Variants in JMY observed in about 807,000 individuals in gnomAD.
JMY encodes the protein junction-mediating and -regulatory protein.
JMY carries 46 observed loss-of-function variants against 103.3 expected under a neutral mutation model. The observed-to-expected ratio is 0.45, with a 90% CI of 0.35 to 0.57. JMY has a LOEUF of 0.57. Among genes scored for constraint, JMY ranks in the 20% least tolerant of loss-of-function variants. JMY has a pLI of 0.00. For synonymous variants in JMY, 526 were observed against 489.3 expected (o/e 1.07, Z -0.99); for missense variants, 1,238 against 1,255.2 (o/e 0.99, Z 0.21).
chr5:79,268,088 T>C (rs1297753651), intron 1 of JMY, among the ~76,000 whole-genome samples: 1 of 152,210 alleles, frequency 6.6e-6, no homozygotes, highest in Non-Finnish European at 1.5e-5. Flanking sequence ...ACAAAAAATT[T>C]AAAAAATTAG....
At chr5:79,242,535 T>C (rs1334721716) in intron 1 of JMY, among the ~76,000 whole-genome samples, 1 of 152,200 alleles carries the variant, frequency 6.6e-6, no homozygotes, top group Non-Finnish European at 1.5e-5. Flanking sequence ...CCTATTTTAC[T>C]GAGGCAGAAA....
At chr5:79,257,765 T>C (rs916758404) in intron 1 of JMY, among the ~76,000 whole-genome samples, 10 of 151,466 alleles carry the variant, frequency 6.6e-5, no homozygotes, top group African/African-American at 2.4e-4. Flanking sequence ...GAAAACAGAT[T>C]ATCTTTTTTT....
intron 2 of JMY, among the ~76,000 whole-genome samples, chr5:79,289,649 C>G (rs911697254): frequency 6.6e-6 from 1 of 152,048 alleles, no homozygotes; most frequent in Non-Finnish European, 1.5e-5. Flanking sequence ...TGGCCTTCCT[C>G]TGTTATTGTT....
intron 1 of JMY, among the ~76,000 whole-genome samples, chr5:79,249,866 G>A (rs769306354): frequency 4.6e-5 from 7 of 152,104 alleles, no homozygotes; most frequent in Non-Finnish European, 7.3e-5. Context: ...CAGAGTTTGA[G>A]TTAGGCTACA....
chr5:79,294,424 A>G (rs748679727), intron 4 of JMY, among the ~76,000 whole-genome samples: 1 of 152,156 alleles, frequency 6.6e-6, no homozygotes, highest in Non-Finnish European at 1.5e-5. Context: ...ATAAAATTAA[A>G]TTAAAATGAA....
Position 79,314,750 on chromosome 5 carries a change from A to G in JMY, c.2558A>G (p.Lys853Arg). The G allele has an allele frequency of 6.2e-7, 1 of 1,613,502 alleles. No homozygotes were observed. The highest frequency in any genetic ancestry group is 8.5e-7 in the Non-Finnish European group (1 of 1,179,874). ...RKEGNEKRIP[K>R]SASAPSAHLF... ...GAGGGGAATGAGAAGAGGATCCCAA[A>G]GTCAGCCAGTGCCCCCTCAGCACAC... is the stretch of plus-strand genomic sequence containing the variant. The change falls in exon 9 of 11, where the codon AAG becomes AGG. Residue 853 changes from lysine (K) to arginine (R), a missense_variant. Coordinates refer to ENST00000396137, the MANE Select transcript of JMY (RefSeq NM_152405.5).
chr5:79,265,046 C>T (rs563996129), intron 1 of JMY, among the ~76,000 whole-genome samples: 21 of 152,284 alleles, frequency 1.4e-4, no homozygotes, highest in Middle Eastern at 6.8e-3. Context: ...CTGCCTCAGC[C>T]TCCTGAGTAG....
intron 1 of JMY, among the ~76,000 whole-genome samples, chr5:79,246,878 T>C (rs1347301055): frequency 6.7e-6 from 1 of 148,888 alleles, no homozygotes. Flanking sequence ...CAAGACACCA[T>C]CTCAAAAAAA....
rs1747527567 is a variant in JMY, at chr5:79,323,435, C to G, written c.*1833C>G. The stretch of plus-strand genomic sequence containing the variant: ...AACAGCATGGGGGTGGTGATAGTGT[C>G]CTATTTGCCCTTGGTAAAATATTAA... On this transcript the variant is annotated 3_prime_UTR_variant, in exon 11 of 11. Transcript: ENST00000396137. 6.6e-6 allele frequency: 1 copy of G among 152,150 alleles called. No homozygotes were observed. The highest frequency in any genetic ancestry group is 2.4e-5 in the African/African-American group (1 of 41,438). The allele number at this position is 152,150 out of a possible 1,614,324, so 9.4% of individuals were successfully genotyped here.
At position 79,327,114 on chromosome 5, in the gene JMY, C is replaced by T. The variant is rs1248552103; in HGVS notation, c.*5512C>T. 1 of 152,138 alleles carries T rather than the reference C, an allele frequency of 6.6e-6. No homozygotes were observed. The highest frequency in any genetic ancestry group is 1.5e-5 in the Non-Finnish European group (1 of 68,026). The allele number at this position is 152,138 out of a possible 1,614,324, so 9.4% of individuals were successfully genotyped here. On this transcript the variant is annotated 3_prime_UTR_variant, in exon 11 of 11. Transcript: ENST00000396137. ...ACTTGTACACCAAGTATTGCAATCACCTTTCTCTTGTTGTACATGCAATGT... is the reference window on the plus strand; with the variant it reads ...ACTTGTACACCAAGTATTGCAATCATCTTTCTCTTGTTGTACATGCAATGT...
intron 4 of JMY, among the ~76,000 whole-genome samples, chr5:79,297,777 G>C (rs1008669969): frequency 1.4e-4 from 21 of 152,152 alleles, no homozygotes; most frequent in African/African-American, 4.6e-4. Context: ...CTCTGATGAG[G>C]TTTTGGTTAT....
chr5:79,278,710 G>T (rs951591066), intron 2 of JMY, among the ~76,000 whole-genome samples: 2 of 151,282 alleles, frequency 1.3e-5, no homozygotes, highest in Non-Finnish European at 2.9e-5. Flanking sequence ...GGTCATGGCT[G>T]CAATGAGCCA....
At position 79,306,438 on chromosome 5, in the gene JMY, A is replaced by G; in HGVS notation, c.1945A>G (p.Arg649Gly). The change falls in exon 7 of 11, where the codon AGA becomes GGA. Residue 649 changes from arginine (R) to glycine (G), a missense_variant. By Grantham distance (125) the Arg-to-Gly change is moderately radical (BLOSUM62 -2). Transcript: ENST00000396137. Reference protein sequence around the residue: ...QQRTRIEDEYRTHHTVQLKRE... With the variant: ...QQRTRIEDEYGTHHTVQLKRE... ...GCGCACTCGGATTGAAGATGAATAT[A>G]GAACCCATCACACAGTACAACTAGT... 1 of 1,612,636 alleles carries G rather than the reference A, an allele frequency of 6.2e-7. No individual in the cohort carries two copies. Among genetic ancestry groups the G allele is most frequent in the South Asian group, 1.1e-5 (1 of 90,976 alleles).
chr5:79,248,214 G>A (rs1744965987), intron 1 of JMY, among the ~76,000 whole-genome samples: 1 of 151,916 alleles, frequency 6.6e-6, no homozygotes, highest in Non-Finnish European at 1.5e-5. Context: ...ATTTTTAGTA[G>A]AGACGGGATT....
intron 1 of JMY, among the ~76,000 whole-genome samples, chr5:79,271,206 T>A (rs547175481): frequency 5.6e-4 from 84 of 151,174 alleles, no homozygotes; most frequent in Non-Finnish European, 6.3e-4. Flanking sequence ...TTTTTTTTTT[T>A]AAATTTTAGT....
chr5:79,264,132 G>A (rs953315120), intron 1 of JMY, among the ~76,000 whole-genome samples: 1 of 151,584 alleles, frequency 6.6e-6, no homozygotes, highest in Non-Finnish European at 1.5e-5. Flanking sequence ...GTTGCCCAGG[G>A]TAGAGTACAG....
At chr5:79,285,356 ACATGGCCTGGCAAAG>A (rs1746237048) in intron 2 of JMY, among the ~76,000 whole-genome samples, 1 of 152,034 alleles carries the variant, frequency 6.6e-6, no homozygotes, top group Admixed American at 6.5e-5. Flanking sequence ...GTAGAAATAC[ACATGGCCTGGCAAAG>A]CATGGGCTGC....
rs769445152 is a variant in JMY, at chr5:79,314,744, T to C, written c.2552T>C (p.Ile851Thr). 6.2e-7 allele frequency: 1 copy of C among 1,610,814 alleles called. No homozygotes were observed. The highest frequency in any genetic ancestry group is 8.5e-7 in the Non-Finnish European group (1 of 1,179,552). ...LPRKEGNEKR[I>T]PKSASAPSAH... ...AGAAAGGAGGGGAATGAGAAGAGGA[T>C]CCCAAAGTCAGCCAGTGCCCCCTCA... The change falls in exon 9 of 11, where the codon ATC becomes ACC. Residue 851 changes from isoleucine (I) to threonine (T), a missense_variant. Coordinates refer to ENST00000396137, the MANE Select transcript of JMY (RefSeq NM_152405.5).
chr5:79,268,257 C>A (rs1341364524), intron 1 of JMY, among the ~76,000 whole-genome samples: 3 of 152,068 alleles, frequency 2.0e-5, no homozygotes, highest in Non-Finnish European at 4.4e-5. Context: ...TCTCAGTCAT[C>A]TATCAAAGTA....
Sources: allele counts gnomAD v4.1 joint callset (sites outside exome capture counted in the v4.1 genomes callset), GRCh38; gene constraint gnomAD v4.1.1; transcripts MANE v1.5; gene names NCBI Gene and HGNC (gene_info 2026-07-23, HGNC 2026-07-21).